DPYD: variants seen among roughly 807,000 people sequenced by gnomAD.
DPYD encodes the protein dihydropyrimidine dehydrogenase, also known as dihydropyrimidine dehydrogenase [NADP(+)].
In DPYD, 109 loss-of-function variants were observed where a neutral mutation model predicts 116.2. That is an observed-to-expected ratio of 0.94 (90% CI 0.80 to 1.10). DPYD has a LOEUF of 1.10. Among genes scored for constraint, DPYD ranks in the 50% least tolerant of loss-of-function variants. The pLI, the probability that DPYD is intolerant of heterozygous loss-of-function variation, is 0.00. For missense variants in DPYD, 1,302 were observed against 1,254.5 expected, an observed-to-expected ratio of 1.04 and a Z score of -0.57; for synonymous variants, 440 against 432.0, an observed-to-expected ratio of 1.02 and a Z score of -0.23.
intron 7 of DPYD, among the ~76,000 whole-genome samples, chr1:97,688,805 T>C (rs1660868133): frequency 6.6e-6 from 1 of 152,000 alleles, no homozygotes; most frequent in Non-Finnish European, 1.5e-5. Context: ...ATTTTAAAAA[T>C]ACTAACCAAT....
At chr1:97,493,405 A>G (rs1333308538) in intron 13 of DPYD, among the ~76,000 whole-genome samples, 1 of 152,170 alleles carries the variant, frequency 6.6e-6, no homozygotes, top group Non-Finnish European at 1.5e-5. Flanking sequence ...AAACTTTTTC[A>G]TTGCCTTTGA....
Position 97,373,560 on chromosome 1 carries a change from CCTGCCCACAGGCCAGG to C in DPYD, c.2043_2058del (p.Leu682IlefsTer24), listed in dbSNP as rs773499329. 5.6e-5 allele frequency: 91 copies of C among 1,613,620 alleles called. 1 individual carries two copies. In the South Asian group the frequency reaches 9.9e-4, roughly 18 times the overall value. ...TTAGTGGCAGCTGTCAAGGTCCTTA[CCTGCCCACAGGCCAGG>C]CCCATTCCTCTTTCTCCCATGCCAT... On this transcript the variant is annotated frameshift_variant and splice_region_variant, in exon 16 of 23. Coordinates refer to ENST00000370192, the MANE Select transcript of DPYD (RefSeq NM_000110.4). LOFTEE classifies it high-confidence loss of function.
chr1:97,881,598 T>C (rs1672223768), intron 2 of DPYD, among the ~76,000 whole-genome samples: 1 of 152,046 alleles, frequency 6.6e-6, no homozygotes, highest in Non-Finnish European at 1.5e-5. Context: ...TAAAATAAAC[T>C]CAATTTATAG....
At chr1:97,676,080 C>T (rs930043746) in intron 8 of DPYD, among the ~76,000 whole-genome samples, 3 of 152,062 alleles carry the variant, frequency 2.0e-5, no homozygotes, top group Non-Finnish European at 4.4e-5. Flanking sequence ...ACCTATGTAA[C>T]CAACATGTAT....
At chr1:97,769,323 G>T (rs1364541628) in intron 3 of DPYD, among the ~76,000 whole-genome samples, 1 of 152,090 alleles carries the variant, frequency 6.6e-6, no homozygotes. Context: ...CAACAAGGTG[G>T]TAACAGGCTT....
At chr1:97,648,694 G>A (rs768034736) in intron 8 of DPYD, among the ~76,000 whole-genome samples, 1 of 151,908 alleles carries the variant, frequency 6.6e-6, no homozygotes, top group East Asian at 1.9e-4. Context: ...TTTTATGCCA[G>A]GCATTATTCT....
At chr1:97,903,572 T>C (rs1020904245) in intron 1 of DPYD, among the ~76,000 whole-genome samples, 1 of 151,948 alleles carries the variant, frequency 6.6e-6, no homozygotes, top group African/African-American at 2.4e-5. Flanking sequence ...AAGTTAATTA[T>C]ATATTAACAT....
chr1:97,670,813 T>TAA (rs1216158451), intron 8 of DPYD, among the ~76,000 whole-genome samples: 66 of 152,316 alleles, frequency 4.3e-4, no homozygotes, highest in Non-Finnish European at 6.5e-4. Context: ...AACTTCACTT[T>TAA]AAGAGTTAAT....
intron 20 of DPYD, among the ~76,000 whole-genome samples, chr1:97,119,349 C>T (rs1411895074): frequency 2.0e-5 from 3 of 152,042 alleles, no homozygotes; most frequent in Non-Finnish European, 4.4e-5. Context: ...CAGCCCAGTC[C>T]CTTGATTTCT....
chr1:97,799,680 A>G (rs1355479292), intron 3 of DPYD, among the ~76,000 whole-genome samples: 2 of 151,936 alleles, frequency 1.3e-5, no homozygotes, highest in African/African-American at 4.8e-5. Context: ...TTAAAAATCC[A>G]TAACAAAATT....
At chr1:97,746,042 A>G (rs946695016) in intron 3 of DPYD, among the ~76,000 whole-genome samples, 4 of 152,122 alleles carry the variant, frequency 2.6e-5, no homozygotes, top group African/African-American at 9.7e-5. Flanking sequence ...TGTCTCCTCA[A>G]GAGGCTTCTC....
At chr1:97,125,323 T>C (rs1468977677) in intron 20 of DPYD, among the ~76,000 whole-genome samples, 1 of 152,084 alleles carries the variant, frequency 6.6e-6, no homozygotes, top group Non-Finnish European at 1.5e-5. Flanking sequence ...ATGAGATCGT[T>C]TTTCTCAACA....
intron 13 of DPYD, among the ~76,000 whole-genome samples, chr1:97,479,697 G>A (rs1678193036): frequency 6.6e-6 from 1 of 152,120 alleles, no homozygotes. Flanking sequence ...TGTAAAAGAA[G>A]AAAAAATACA....
chr1:97,382,963 A>G (rs1383735293), intron 14 of DPYD, among the ~76,000 whole-genome samples: 1 of 152,180 alleles, frequency 6.6e-6, no homozygotes, highest in Non-Finnish European at 1.5e-5. Flanking sequence ...TTCATAGTGC[A>G]TTATAGTTTT....
intron 5 of DPYD, among the ~76,000 whole-genome samples, chr1:97,706,166 ATT>A (rs1661939477): frequency 2.6e-5 from 4 of 151,848 alleles, no homozygotes; most frequent in African/African-American, 4.8e-5. Context: ...GATAAAATAG[ATT>A]TTGATATATT....
intron 11 of DPYD, among the ~76,000 whole-genome samples, chr1:97,568,827 C>A (rs1443624325): frequency 1.3e-5 from 2 of 152,030 alleles, no homozygotes; most frequent in African/African-American, 2.4e-5. Flanking sequence ...CTATTATGGG[C>A]ACACTAATAT....
chr1:97,864,782 A>G (rs1185474767), intron 2 of DPYD, among the ~76,000 whole-genome samples: 1 of 151,910 alleles, frequency 6.6e-6, no homozygotes, highest in Non-Finnish European at 1.5e-5. Flanking sequence ...ATAGTAACAA[A>G]GAGGTCATTT....
In DPYD at chr1:97,475,641, T is replaced by C. The variant is rs1431674066; in HGVS notation, c.1741-25418A>G. ...ACTCTTTGTGGATCTGTCTGTCACA[T>C]CTACTCTGCAACTGTAACATGAAAT... On this transcript the variant is annotated intron_variant, in intron 13 of 22. Transcript: ENST00000370192. 2.6e-5 allele frequency among the ~76,000 whole-genome samples: 4 copies of C among 152,128 alleles called. No individual in the cohort carries two copies. The South Asian group carries it at 6.2e-4, about 24-fold the overall frequency.
intron 13 of DPYD, among the ~76,000 whole-genome samples, chr1:97,505,580 C>T (rs1647272335): frequency 6.6e-6 from 1 of 151,528 alleles, no homozygotes; most frequent in African/African-American, 2.4e-5. Context: ...TTCCTGTGGC[C>T]TTAAGTCATC....
Sources: allele counts gnomAD v4.1 joint callset (sites outside exome capture counted in the v4.1 genomes callset), GRCh38; gene constraint gnomAD v4.1.1; transcripts MANE v1.5; gene names NCBI Gene and HGNC (gene_info 2026-07-23, HGNC 2026-07-21).